The following AUTS2 variants were observed in gnomAD, a reference collection of about 807,000 sequenced individuals.
AUTS2 encodes autism susceptibility gene 2 protein.
In AUTS2, 17 loss-of-function variants were observed where a neutral mutation model predicts 112.4. That is an observed-to-expected ratio of 0.15 (90% confidence interval 0.10 to 0.23). AUTS2 has a LOEUF of 0.23. AUTS2 is among the 10% of genes least tolerant of loss of function. The pLI is 1.00. For missense variants in AUTS2, 1,510 were observed against 1,701.6 expected (o/e 0.89, Z 1.98); for synonymous variants, 751 against 702.7 (o/e 1.07, Z -1.09).
chr7:70,464,817 G>A (rs1797109322), intron 5 of AUTS2, among the ~76,000 whole-genome samples: 1 of 152,188 alleles, frequency 6.6e-6, no homozygotes, highest in Non-Finnish European at 1.5e-5. Flanking sequence ...TTGGATACCA[G>A]GATGAGAAAT....
At chr7:69,822,466 A>G (rs1362197459) in intron 1 of AUTS2, among the ~76,000 whole-genome samples, 1 of 152,150 alleles carries the variant, frequency 6.6e-6, no homozygotes, top group Non-Finnish European at 1.5e-5. Context: ...AAAGCAAAAG[A>G]TTTGATTCAA....
chr7:70,409,404 G>A (rs1464936201), intron 4 of AUTS2, among the ~76,000 whole-genome samples: 2 of 152,164 alleles, frequency 1.3e-5, no homozygotes, highest in Non-Finnish European at 2.9e-5. Context: ...ACATAGATGA[G>A]AATATAGGTT....
chr7:69,670,310 T>C (rs543285489), intron 1 of AUTS2, among the ~76,000 whole-genome samples: 1 of 152,298 alleles, frequency 6.6e-6, no homozygotes, highest in South Asian at 2.1e-4. Context: ...TTCTGATACT[T>C]GGGCCTTTGA....
In AUTS2 at chr7:69,893,530, T is replaced by C. The variant is rs941793722; in HGVS notation, c.310-5756T>C. 1.3e-4 allele frequency among the ~76,000 whole-genome samples: 20 copies of C among 152,170 alleles called. 1 individual carries two copies. The highest frequency in any genetic ancestry group is 4.8e-4 in the African/African-American group (20 of 41,430). On this transcript the variant is annotated intron_variant, in intron 1 of 18. Coordinates refer to ENST00000342771, the MANE Select transcript of AUTS2 (RefSeq NM_015570.4). Reference sequence around the variant, plus strand: ...CAGGCAAAGCACTTTTTTCTTTTTCTCCTGGCTTGTTATTTTCTTTAAGGT... The same window carrying C: ...CAGGCAAAGCACTTTTTTCTTTTTCCCCTGGCTTGTTATTTTCTTTAAGGT...
At chr7:70,036,424 G>A (rs1305189273) in intron 2 of AUTS2, among the ~76,000 whole-genome samples, 1 of 152,206 alleles carries the variant, frequency 6.6e-6, no homozygotes, top group Admixed American at 6.5e-5. Flanking sequence ...ACACAGAATA[G>A]TGTATTACAC....
At chr7:70,687,004 C>T (rs1808505297) in intron 5 of AUTS2, among the ~76,000 whole-genome samples, 1 of 152,162 alleles carries the variant, frequency 6.6e-6, no homozygotes, top group South Asian at 2.1e-4. Context: ...GTCCTTTCAG[C>T]TCATGCAGAC....
intron 1 of AUTS2, among the ~76,000 whole-genome samples, chr7:69,627,381 C>A (rs966853079): frequency 1.3e-5 from 2 of 152,082 alleles, no homozygotes; most frequent in South Asian, 4.1e-4. Context: ...ATCCCAGCTA[C>A]TTGGGAGGCC....
intron 6 of AUTS2, among the ~76,000 whole-genome samples, chr7:70,739,837 C>T (rs1294642632): frequency 1.3e-5 from 2 of 150,300 alleles, no homozygotes; most frequent in South Asian, 2.1e-4. Flanking sequence ...GTCTTCCTTA[C>T]GTTAGGCTGA....
intron 4 of AUTS2, among the ~76,000 whole-genome samples, chr7:70,347,385 C>T (rs919349388): frequency 1.3e-5 from 2 of 152,160 alleles, no homozygotes; most frequent in African/African-American, 4.8e-5. Context: ...GAGGACTGCT[C>T]TTGTGCCTCA....
At chr7:70,402,996 G>T (rs888633985) in intron 4 of AUTS2, among the ~76,000 whole-genome samples, 1 of 152,140 alleles carries the variant, frequency 6.6e-6, no homozygotes, top group Admixed American at 6.5e-5. Flanking sequence ...GTTATAGCTG[G>T]AAGGAGCTTA....
At chr7:70,081,755 G>A (rs1036584257) in intron 2 of AUTS2, among the ~76,000 whole-genome samples, 1 of 152,116 alleles carries the variant, frequency 6.6e-6, no homozygotes, top group Non-Finnish European at 1.5e-5. Context: ...GAAACAAAAT[G>A]TATTTGCAGA....
At chr7:70,267,866 TC>T (rs1049912085) in intron 4 of AUTS2, among the ~76,000 whole-genome samples, 4 of 152,054 alleles carry the variant, frequency 2.6e-5, no homozygotes, top group Non-Finnish European at 5.9e-5. Flanking sequence ...GGATTGCTTT[TC>T]CCCCCCTACA....
At chr7:70,483,363 T>C (rs1420034985) in intron 5 of AUTS2, among the ~76,000 whole-genome samples, 1 of 152,246 alleles carries the variant, frequency 6.6e-6, no homozygotes, top group Non-Finnish European at 1.5e-5. Context: ...ACTTTCCTCA[T>C]TGCCAACTAG....
At chr7:70,104,114 C>T (rs1167548166) in intron 2 of AUTS2, among the ~76,000 whole-genome samples, 1 of 150,740 alleles carries the variant, frequency 6.6e-6, no homozygotes, top group Non-Finnish European at 1.5e-5. Flanking sequence ...ATGGTAGAAG[C>T]TGCTGTCCAG....
intron 1 of AUTS2, among the ~76,000 whole-genome samples, chr7:69,767,460 G>A (rs1454499692): frequency 6.6e-6 from 1 of 152,162 alleles, no homozygotes; most frequent in Non-Finnish European, 1.5e-5. Context: ...TTATAGAGAC[G>A]TGAGCCACCA....
chr7:70,157,826 C>T (rs1255247951), intron 4 of AUTS2, among the ~76,000 whole-genome samples: 4 of 152,022 alleles, frequency 2.6e-5, no homozygotes, highest in Non-Finnish European at 5.9e-5. Context: ...GAAAATTCCA[C>T]CTGCTGGGGC....
chr7:70,249,898 A>G (rs1786501923), intron 4 of AUTS2, among the ~76,000 whole-genome samples: 1 of 140,090 alleles, frequency 7.1e-6, no homozygotes, highest in Admixed American at 6.9e-5. Context: ...AAATATTAAT[A>G]TTTTAAGTAA....
At position 70,621,838 on chromosome 7, in the gene AUTS2, C is replaced by CTTTTTTTTTTT. The variant is rs67123941; in HGVS notation, c.691-76714_691-76704dup. Among the ~76,000 whole-genome samples the CTTTTTTTTTTT allele has an allele frequency of 1.6e-4, 11 of 66,816 alleles. 2 individuals carry two copies. In the East Asian group the frequency reaches 3.5e-3, roughly 21 times the overall value. The allele number at this position is 66,816 out of a possible 152,430, so 43.8% of individuals were successfully genotyped here. A position where few individuals can be genotyped will look rare whatever the true frequency, so the allele number is the denominator to read the frequency against. ...GCTTACGTTAGTGCATAGTCATTCT[C>CTTTTTTTTTTT]TTTTTTTTTTTTTTTTTTTTTTTTT... is the stretch of plus-strand genomic sequence containing the variant. On this transcript the variant is annotated intron_variant, in intron 5 of 18. Coordinates refer to ENST00000342771, the MANE Select transcript of AUTS2 (RefSeq NM_015570.4).
chr7:69,650,383 G>A (rs1000133008), intron 1 of AUTS2, among the ~76,000 whole-genome samples: 3 of 152,220 alleles, frequency 2.0e-5, no homozygotes, highest in Admixed American at 6.5e-5. Flanking sequence ...CCAGGAGCCT[G>A]TTAAAAAGGC....
Sources: allele counts gnomAD v4.1 joint callset (sites outside exome capture counted in the v4.1 genomes callset), GRCh38; gene constraint gnomAD v4.1.1; transcripts MANE v1.5; gene names NCBI Gene and HGNC (gene_info 2026-07-23, HGNC 2026-07-21).